Variants in PARD3 observed in about 807,000 individuals in gnomAD.
The protein encoded by PARD3 is partitioning defective 3 homolog.
Under a neutral mutation model 155.4 loss-of-function variants are expected in PARD3, and 75 were observed. That is an observed-to-expected ratio of 0.48 (90% confidence interval 0.40 to 0.58). The LOEUF is 0.58. Among genes scored for constraint, PARD3 ranks in the 20% least tolerant of loss-of-function variants. The probability of loss-of-function intolerance (pLI) is 0.00; values close to 1 mark genes in which losing one functional copy is unlikely to be tolerated. For synonymous variants in PARD3, 576 were observed against 610.5 expected (o/e 0.94, Z 0.83); for missense variants, 1,642 against 1,721.7 (o/e 0.95, Z 0.82).
chr10:34,733,657 T>C (rs1347011390), intron 1 of PARD3, among the ~76,000 whole-genome samples: 1 of 152,188 alleles, frequency 6.6e-6, no homozygotes, highest in Non-Finnish European at 1.5e-5. Flanking sequence ...CTAATTTTTA[T>C]ATTTTTAGTA....
chr10:34,500,408 A>G (rs554196635), intron 3 of PARD3, among the ~76,000 whole-genome samples: 2 of 152,214 alleles, frequency 1.3e-5, no homozygotes, highest in Non-Finnish European at 2.9e-5. Flanking sequence ...CCAATCTTCC[A>G]CCATTTTTAA....
intron 2 of PARD3, among the ~76,000 whole-genome samples, chr10:34,517,676 A>C (rs757683406): frequency 6.6e-6 from 1 of 152,138 alleles, no homozygotes; most frequent in Non-Finnish European, 1.5e-5. Context: ...TCTCTTTAGC[A>C]ATTCTTACTC....
chr10:34,481,635 T>C (rs1406259813), intron 3 of PARD3, among the ~76,000 whole-genome samples: 3 of 152,150 alleles, frequency 2.0e-5, no homozygotes, highest in African/African-American at 4.8e-5. Context: ...CTCTTTTATA[T>C]ATATTTTGGT....
rs1835564444 is a variant in PARD3, at chr10:34,331,037, A to C, written c.2833+80T>G. ...GAGATTACCCTGAAGAATCTTAGAA[A>C]ACTCCAGGGCTCCCTGGAGCTCACT... On this transcript the variant is annotated intron_variant, in intron 19 of 24. Coordinates refer to ENST00000374788, the MANE Select transcript of PARD3 (RefSeq NM_001184785.2). 8 of 1,037,906 alleles carry C rather than the reference A, an allele frequency of 7.7e-6. No individual in the cohort carries two copies. The East Asian group carries it at 2.0e-4, about 26-fold the overall frequency. 64.3% of individuals were successfully genotyped at this position (1,037,906 alleles called of 1,614,324 possible).
At chr10:34,802,739 G>A (rs1239693003) in intron 1 of PARD3, among the ~76,000 whole-genome samples, 1 of 152,076 alleles carries the variant, frequency 6.6e-6, no homozygotes, top group Non-Finnish European at 1.5e-5. Context: ...CACATGTGGT[G>A]AAGTTCTAAT....
intron 10 of PARD3, among the ~76,000 whole-genome samples, chr10:34,377,239 C>T (rs370715747): frequency 3.9e-5 from 6 of 152,138 alleles, no homozygotes; most frequent in Admixed American, 2.6e-4. Flanking sequence ...CATTTAGAAA[C>T]GTAACCTTAC....
chr10:34,776,006 A>G (rs1352375740), intron 1 of PARD3, among the ~76,000 whole-genome samples: 1 of 152,126 alleles, frequency 6.6e-6, no homozygotes, highest in East Asian at 1.9e-4. Flanking sequence ...AGAAGGATTG[A>G]TTGAGCTCAG....
intron 2 of PARD3, among the ~76,000 whole-genome samples, chr10:34,531,963 G>A (rs138459778): frequency 3.3e-5 from 5 of 152,196 alleles, no homozygotes; most frequent in African/African-American, 1.2e-4. Context: ...AAGCAGACAC[G>A]CACAACACTC....
intron 22 of PARD3, among the ~76,000 whole-genome samples, chr10:34,181,622 T>C (rs1013258781): frequency 3.2e-4 from 48 of 152,114 alleles, no homozygotes; most frequent in African/African-American, 1.1e-3. Flanking sequence ...ATTCTTAATA[T>C]TTACAAATTT....
At chr10:34,320,211 T>C (rs1307363779) in intron 19 of PARD3, among the ~76,000 whole-genome samples, 1 of 152,146 alleles carries the variant, frequency 6.6e-6, no homozygotes, top group Non-Finnish European at 1.5e-5. Flanking sequence ...TCCTCTAGCT[T>C]TAGAAAAATG....
At chr10:34,670,816 T>C (rs1757900216) in intron 2 of PARD3, among the ~76,000 whole-genome samples, 1 of 152,210 alleles carries the variant, frequency 6.6e-6, no homozygotes, top group African/African-American at 2.4e-5. Flanking sequence ...TGTTTATGCT[T>C]TCAATCTTGT....
chr10:34,482,903 C>A (rs1038296405), intron 3 of PARD3, among the ~76,000 whole-genome samples: 1 of 151,870 alleles, frequency 6.6e-6, no homozygotes, highest in Non-Finnish European at 1.5e-5. Context: ...AATCCCAGCA[C>A]TTTGGGAGGC....
At chr10:34,264,695 G>A (rs1334182357) in intron 22 of PARD3, among the ~76,000 whole-genome samples, 1 of 151,824 alleles carries the variant, frequency 6.6e-6, no homozygotes, top group African/African-American at 2.4e-5. Flanking sequence ...TTAATGCAAG[G>A]GAGCCTGGGA....
At chr10:34,404,626 A>G (rs1282095649) in intron 5 of PARD3, among the ~76,000 whole-genome samples, 2 of 150,508 alleles carry the variant, frequency 1.3e-5, no homozygotes, top group South Asian at 2.1e-4. Context: ...TCCTTTCCCT[A>G]CTCTCCATTT....
At chr10:34,150,266 T>C (rs189828187) in intron 22 of PARD3, among the ~76,000 whole-genome samples, 48 of 152,208 alleles carry the variant, frequency 3.2e-4, no homozygotes, top group Non-Finnish European at 5.0e-4. Flanking sequence ...GGGAGAGACA[T>C]AGAGTGGGTC....
At chr10:34,612,070 C>T (rs887327369) in intron 2 of PARD3, among the ~76,000 whole-genome samples, 2 of 151,962 alleles carry the variant, frequency 1.3e-5, no homozygotes, top group African/African-American at 4.8e-5. Flanking sequence ...TCGTGATCCG[C>T]CCGCCTCGGC....
chr10:34,745,453 A>AGG (rs111398247), intron 1 of PARD3, among the ~76,000 whole-genome samples: 4,385 of 108,882 alleles, frequency 0.04, 211 homozygotes, highest in African/African-American at 0.13. Flanking sequence ...GGAAAGAGAG[A>AGG]GAAAGAGAGA....
At chr10:34,199,918 A>G (rs572213439) in intron 22 of PARD3, among the ~76,000 whole-genome samples, 3 of 152,324 alleles carry the variant, frequency 2.0e-5, no homozygotes, top group East Asian at 3.9e-4. Flanking sequence ...TACCACATCC[A>G]TGAAAAACGG....
At chr10:34,438,094 G>A (rs536800604) in intron 5 of PARD3, among the ~76,000 whole-genome samples, 3 of 152,134 alleles carry the variant, frequency 2.0e-5, no homozygotes, top group Non-Finnish European at 2.9e-5. Flanking sequence ...TGTGATCAGC[G>A]GTGATACAGC....
Sources: gnomAD v4.1 joint callset for allele counts (sites outside exome capture counted in the v4.1 genomes callset) on GRCh38, gnomAD v4.1.1 for gene constraint, MANE v1.5 for transcripts, NCBI Gene and HGNC (gene_info 2026-07-23, HGNC 2026-07-21) for gene names.